The following SLC44A5 variants were observed in gnomAD, a reference collection of about 807,000 sequenced individuals.
SLC44A5 encodes solute carrier family 44 member 5.
SLC44A5 carries 57 observed loss-of-function variants against 101.8 expected under a neutral mutation model. That is an observed-to-expected ratio of 0.56 (90% CI 0.45 to 0.70). The LOEUF (loss-of-function observed/expected upper bound fraction) is 0.70, where lower values mean the gene tolerates loss of function less well. Ranked by LOEUF, SLC44A5 falls within the 30% of genes least tolerant of loss-of-function variation. The pLI, the probability that SLC44A5 is intolerant of heterozygous loss-of-function variation, is 0.00. For missense variants in SLC44A5, 737 were observed against 853.1 expected, an observed-to-expected ratio of 0.86 and a Z score of 1.70; for synonymous variants, 281 against 290.9, an observed-to-expected ratio of 0.97 and a Z score of 0.35.
chr1:75,720,320 G>A, the SLC44A5 span: 1 of 152,172 alleles, frequency 6.6e-6, no homozygotes, highest in Non-Finnish European at 1.5e-5. Flanking sequence ...CTTAGACTTT[G>A]GAGCGTAGGT....
chr1:75,286,474 G>A (rs1490043397), intron 5 of SLC44A5, among the ~76,000 whole-genome samples: 10 of 152,084 alleles, frequency 6.6e-5, no homozygotes, highest in Non-Finnish European at 1.2e-4. Context: ...TACATTCAAT[G>A]TTAGTATTGA....
At chr1:75,408,746 A>G (rs1663075950) in intron 2 of SLC44A5, among the ~76,000 whole-genome samples, 1 of 152,144 alleles carries the variant, frequency 6.6e-6, no homozygotes, top group Admixed American at 6.5e-5. Context: ...ATTAGGAGAA[A>G]TACCTAATGT....
chr1:75,709,807 C>T, the SLC44A5 span, among the ~76,000 whole-genome samples: 2 of 152,108 alleles, frequency 1.3e-5, no homozygotes, highest in Non-Finnish European at 2.9e-5. Context: ...TTCTACTACA[C>T]TAATTCCTGT....
chr1:75,213,659 T>C (rs756030501), intron 22 of SLC44A5, 46 bp downstream of exon 22: 4 of 1,300,154 alleles, frequency 3.1e-6, no homozygotes, highest in Admixed American at 1.8e-5. Context: ...CAGTCTATAG[T>C]ATTTTTATTA....
chr1:75,647,499 A>G, the SLC44A5 span, among the ~76,000 whole-genome samples: 15 of 152,310 alleles, frequency 9.8e-5, no homozygotes, highest in African/African-American at 2.9e-4. Flanking sequence ...TCCAGACCCC[A>G]AAATGGTAGA....
intron 1 of SLC44A5, among the ~76,000 whole-genome samples, chr1:75,544,794 G>A (rs1018238476): frequency 1.3e-5 from 2 of 152,126 alleles, no homozygotes; most frequent in African/African-American, 2.4e-5. Flanking sequence ...TAGTTGGCAT[G>A]TCTGTTAATC....
intron 2 of SLC44A5, among the ~76,000 whole-genome samples, chr1:75,465,079 A>G (rs1254069083): frequency 6.6e-6 from 1 of 152,202 alleles, no homozygotes; most frequent in African/African-American, 2.4e-5. Flanking sequence ...AGAGCTACAG[A>G]ATACACATTT....
At chr1:75,324,701 A>G (rs763776001) in intron 4 of SLC44A5, among the ~76,000 whole-genome samples, 1 of 152,206 alleles carries the variant, frequency 6.6e-6, no homozygotes, top group Non-Finnish European at 1.5e-5. Flanking sequence ...AGGAATTTGT[A>G]GCATAAAATG....
At chr1:75,501,033 A>G (rs1195230695) in intron 2 of SLC44A5, among the ~76,000 whole-genome samples, 1 of 152,202 alleles carries the variant, frequency 6.6e-6, no homozygotes, top group South Asian at 2.1e-4. Flanking sequence ...GCATTTAATA[A>G]AGTGCTCAGT....
the SLC44A5 span, among the ~76,000 whole-genome samples, chr1:75,721,281 A>G: frequency 6.6e-6 from 1 of 152,216 alleles, no homozygotes; most frequent in African/African-American, 2.4e-5. Flanking sequence ...GTTTACAGCA[A>G]GCTTGTCCAA....
intron 3 of SLC44A5, among the ~76,000 whole-genome samples, chr1:75,385,749 C>A (rs1236009110): frequency 6.6e-6 from 1 of 151,988 alleles, no homozygotes; most frequent in Non-Finnish European, 1.5e-5. Flanking sequence ...GGCAGAGACA[C>A]CACCAAAAAA....
At chr1:75,707,797 G>A in the SLC44A5 span, among the ~76,000 whole-genome samples, 2 of 151,896 alleles carry the variant, frequency 1.3e-5, no homozygotes, top group African/African-American at 4.8e-5. Context: ...AGTACTCCAG[G>A]GGAAAAATAT....
intron 23 of SLC44A5, among the ~76,000 whole-genome samples, chr1:75,210,339 T>C (rs1169184146): frequency 1.3e-5 from 2 of 152,212 alleles, no homozygotes; most frequent in African/African-American, 4.8e-5. Context: ...AGATTACAGG[T>C]ATGAGCCACA....
intron 23 of SLC44A5, among the ~76,000 whole-genome samples, chr1:75,207,070 G>T (rs1164366385): frequency 2.6e-5 from 4 of 152,144 alleles, no homozygotes; most frequent in African/African-American, 9.7e-5. Context: ...GGATGGAGCT[G>T]AATAGGAAGT....
At chr1:75,536,061 A>T (rs1670982116) in intron 2 of SLC44A5, among the ~76,000 whole-genome samples, 1 of 151,924 alleles carries the variant, frequency 6.6e-6, no homozygotes, top group South Asian at 2.1e-4. Context: ...AAAAAAAAAA[A>T]AATCCTTGAG....
intron 5 of SLC44A5, among the ~76,000 whole-genome samples, chr1:75,280,729 T>G (rs1447169667): frequency 6.6e-6 from 1 of 151,572 alleles, no homozygotes; most frequent in Admixed American, 6.6e-5. Flanking sequence ...TCATGAGATC[T>G]GATGGTTTTA....
intron 2 of SLC44A5, among the ~76,000 whole-genome samples, chr1:75,407,631 A>G (rs1453063496): frequency 1.3e-5 from 2 of 152,184 alleles, no homozygotes; most frequent in African/African-American, 4.8e-5. Context: ...TATTTAATAA[A>G]TGATGTTGAG....
chr1:75,419,331 C>G (rs1275413426), intron 2 of SLC44A5, among the ~76,000 whole-genome samples: 2 of 151,154 alleles, frequency 1.3e-5, no homozygotes, highest in East Asian at 1.9e-4. Context: ...TGATGAAAAA[C>G]AGCAAAACAG....
intron 2 of SLC44A5, among the ~76,000 whole-genome samples, chr1:75,417,733 A>G (rs1663746501): frequency 6.6e-6 from 1 of 152,258 alleles, no homozygotes. Context: ...ATCTACAGGC[A>G]AGGGTAAGAA....
Sources: allele counts gnomAD v4.1 joint callset (sites outside exome capture counted in the v4.1 genomes callset), GRCh38; gene constraint gnomAD v4.1.1; transcripts MANE v1.5; gene names NCBI Gene and HGNC (gene_info 2026-07-23, HGNC 2026-07-21).